Variants in MYO5C observed in about 807,000 individuals in gnomAD.
MYO5C encodes myosin VC, also known as unconventional myosin-Vc.
In MYO5C, 194 loss-of-function variants were observed where a neutral mutation model predicts 235.7. The ratio of observed to expected loss-of-function variants is 0.82; its 90% CI spans 0.73 to 0.93. MYO5C has a LOEUF of 0.93. MYO5C is among the 40% of genes least tolerant of loss of function. The probability of loss-of-function intolerance (pLI) is 0.00; values close to 1 mark genes in which losing one functional copy is unlikely to be tolerated. For synonymous variants in MYO5C, 707 were observed against 754.8 expected (o/e 0.94, Z 1.04); for missense variants, 2,038 against 2,127.2 (o/e 0.96, Z 0.82).
chr15:52,254,422 G>A (rs1233804152), intron 11 of MYO5C, among the ~76,000 whole-genome samples: 3 of 152,166 alleles, frequency 2.0e-5, no homozygotes, highest in African/African-American at 7.2e-5. Flanking sequence ...ACCACAGAAA[G>A]TCACGTGGAG....
intron 2 of MYO5C, among the ~76,000 whole-genome samples, chr15:52,280,591 T>A (rs2037145418): frequency 6.6e-6 from 1 of 152,192 alleles, no homozygotes; most frequent in Non-Finnish European, 1.5e-5. Flanking sequence ...TAGGCCGCCT[T>A]CCAGGTATTC....
chr15:52,205,312 G>A (rs941115790), intron 37 of MYO5C, 165 bp from the exon 38 acceptor site: 4 of 754,726 alleles, frequency 5.3e-6, no homozygotes, highest in African/African-American at 1.8e-5. Flanking sequence ...ACACCAGGGT[G>A]TGTGTCAGGG....
chr15:52,224,849 T>A (rs2035783270), intron 28 of MYO5C, 52 bp downstream of exon 28: 2 of 1,481,922 alleles, frequency 1.3e-6, no homozygotes, highest in African/African-American at 2.8e-5. Flanking sequence ...TTTCCAATAG[T>A]CTATTTATTA....
intron 31 of MYO5C, 136 bp downstream of exon 31, chr15:52,219,623 A>C (rs963761754): frequency 1.1e-5 from 7 of 659,320 alleles, no homozygotes; most frequent in Non-Finnish European, 1.9e-5. Context: ...TTTCCTTCCC[A>C]TCAGAATGGC....
chr15:52,235,577 A>C, intron 23 of MYO5C, 93 bp downstream of exon 23: 1 of 953,210 alleles, frequency 1.0e-6, no homozygotes, highest in Non-Finnish European at 1.6e-6. Context: ...AGTGTACACC[A>C]GAGACCCCTG....
At chr15:52,220,360 A>G (rs28408301) in intron 30 of MYO5C, among the ~76,000 whole-genome samples, 25,052 of 151,930 alleles carry the variant, frequency 0.16, 2,283 homozygotes, top group South Asian at 0.24. Context: ...ATTTTTTTGT[A>G]TGTTTTTTCA....
At chr15:52,238,612 C>G (rs1218603345) in intron 21 of MYO5C, among the ~76,000 whole-genome samples, 2 of 152,250 alleles carry the variant, frequency 1.3e-5, no homozygotes, top group South Asian at 2.1e-4. Flanking sequence ...CAACTGAGAG[C>G]ATATGGATGT....
intron 11 of MYO5C, among the ~76,000 whole-genome samples, chr15:52,255,346 G>C (rs2140812462): frequency 6.6e-6 from 1 of 152,312 alleles, no homozygotes; most frequent in East Asian, 1.9e-4. Flanking sequence ...ACTAACAAAG[G>C]TATAACCTTT....
intron 35 of MYO5C, among the ~76,000 whole-genome samples, chr15:52,209,778 G>A (rs2035403921): frequency 6.6e-6 from 1 of 152,046 alleles, no homozygotes; most frequent in African/African-American, 2.4e-5. Flanking sequence ...AAAACACTGT[G>A]GTGGCTCCTG....
At chr15:52,225,313 T>TATCA (rs957186520) in intron 26 of MYO5C, 126 bp downstream of exon 26, 1 of 1,057,158 alleles carries the variant, frequency 9.5e-7, no homozygotes, top group African/African-American at 1.6e-5. Flanking sequence ...CTATTCAACC[T>TATCA]ATCAACTAAG....
chr15:52,221,758 C>T (rs968711041), intron 29 of MYO5C, among the ~76,000 whole-genome samples: 2 of 152,204 alleles, frequency 1.3e-5, no homozygotes, highest in Non-Finnish European at 2.9e-5. Context: ...CCTCCACCCC[C>T]AGTTAGGTTA....
intron 15 of MYO5C, 22 bp downstream of exon 15, chr15:52,247,436 C>T (rs1415342808): frequency 6.2e-7 from 1 of 1,612,750 alleles, no homozygotes; most frequent in South Asian, 1.1e-5. Context: ...AGACCCCTCA[C>T]TCTCAAACAC....
At chr15:52,287,404 G>A (rs1419048399) in intron 1 of MYO5C, among the ~76,000 whole-genome samples, 2 of 152,234 alleles carry the variant, frequency 1.3e-5, no homozygotes, top group African/African-American at 4.8e-5. Flanking sequence ...TATTACTAAC[G>A]TCATGAAGCT....
chr15:52,282,918 A>G (rs2037191262), intron 1 of MYO5C, 26 bp from the exon 2 acceptor site: 2 of 1,488,162 alleles, frequency 1.3e-6, no homozygotes, highest in Non-Finnish European at 1.9e-6. Flanking sequence ...AGAAAAGCTG[A>G]ATTTCAGGAC....
At chr15:52,255,495 T>A (rs1410232611) in intron 11 of MYO5C, among the ~76,000 whole-genome samples, 1 of 152,254 alleles carries the variant, frequency 6.6e-6, no homozygotes, top group South Asian at 2.1e-4. Flanking sequence ...TTAGCTTTCA[T>A]GGCTTTTCAG....
intron 29 of MYO5C, among the ~76,000 whole-genome samples, chr15:52,221,535 G>C (rs115837758): frequency 6.6e-6 from 1 of 152,178 alleles, no homozygotes; most frequent in East Asian, 1.9e-4. Context: ...TGAGTTGAGG[G>C]AGGAATTAGG....
chr15:52,249,150 T>C (rs2036417560), intron 13 of MYO5C, among the ~76,000 whole-genome samples: 1 of 152,208 alleles, frequency 6.6e-6, no homozygotes, highest in Non-Finnish European at 1.5e-5. Flanking sequence ...GTGGTGTTCA[T>C]TGGGTTCAAA....
At chr15:52,234,237 T>C (rs2036029282) in intron 23 of MYO5C, among the ~76,000 whole-genome samples, 2 of 152,230 alleles carry the variant, frequency 1.3e-5, no homozygotes, top group Admixed American at 6.5e-5. Context: ...CAGCATTTGA[T>C]AGCATCCCTG....
chr15:52,219,249 A>G lies in MYO5C; in HGVS notation c.3785+510T>C, dbSNP rs138998135. On this transcript the variant is annotated intron_variant, in intron 31 of 40. Coordinates refer to ENST00000261839, the MANE Select transcript of MYO5C (RefSeq NM_018728.4). ...GGCAACAAAACAGAACATTCTCCCC[A>G]CAAGGCTCTGCCAGGGCACGAGGCC... Among the ~76,000 whole-genome samples the G allele has an allele frequency of 8.2e-3, 1,244 of 152,356 alleles. 17 individuals carry two copies. The highest frequency in any genetic ancestry group is 0.028 in the African/African-American group (1,179 of 41,584).
Sources: allele counts gnomAD v4.1 joint callset (sites outside exome capture counted in the v4.1 genomes callset), GRCh38; gene constraint gnomAD v4.1.1; transcripts MANE v1.5; gene names NCBI Gene and HGNC (gene_info 2026-07-23, HGNC 2026-07-21).